ASAH1: variants seen among roughly 807,000 people sequenced by gnomAD.
The protein encoded by ASAH1 is acid ceramidase.
A neutral mutation model predicts 59.5 loss-of-function variants in ASAH1; 70 were observed. The observed-to-expected ratio is 1.18, with a 90% CI of 0.97 to 1.43. The LOEUF (loss-of-function observed/expected upper bound fraction) is 1.43. Ranked by LOEUF, ASAH1 falls within the 40% of genes most tolerant of loss-of-function variation. The pLI is 0.00. For synonymous variants in ASAH1, 213 were observed against 166.5 expected, an observed-to-expected ratio of 1.28 and a Z score of -2.15; for missense variants, 660 against 482.5, an observed-to-expected ratio of 1.37 and a Z score of -3.45.
intron 2 of ASAH1, chr8:18,073,125 A>C (rs1800243606): frequency 1.1e-6 from 1 of 938,464 alleles, no homozygotes; most frequent in Non-Finnish European, 1.6e-6. Flanking sequence ...TAATCTAATA[A>C]ACCAAATTAT....
At chr8:18,082,274 GAATA>G (rs1458703133) in intron 1 of ASAH1, among the ~76,000 whole-genome samples, 1 of 152,052 alleles carries the variant, frequency 6.6e-6, no homozygotes, top group Admixed American at 6.5e-5. Flanking sequence ...ACTTTTGCTA[GAATA>G]AATAAAGCTA....
chr8:18,060,966 T>A (rs957147640), intron 10 of ASAH1: 1 of 185,980 alleles, frequency 5.4e-6, no homozygotes, highest in African/African-American at 2.4e-5. Flanking sequence ...TTGCTCAGAC[T>A]GGTCTCAAAC....
intron 5 of ASAH1, 128 bp downstream of exon 5, chr8:18,067,092 A>G: frequency 1.3e-6 from 1 of 774,962 alleles, no homozygotes; most frequent in Non-Finnish European, 2.0e-6. Context: ...CTGTATATCT[A>G]AGACCTGTGC....
intron 2 of ASAH1, among the ~76,000 whole-genome samples, chr8:18,074,939 T>C (rs960761980): frequency 1.3e-5 from 2 of 152,070 alleles, no homozygotes; most frequent in Non-Finnish European, 2.9e-5. Context: ...CTTACATTTG[T>C]CAAAGATGAG....
At chr8:18,067,143 A>G in intron 5 of ASAH1, 77 bp downstream of exon 5, 1 of 1,321,242 alleles carries the variant, frequency 7.6e-7, no homozygotes, top group Non-Finnish European at 1.1e-6. Context: ...CCTGTGCTGT[A>G]TGTATATCAC....
At chr8:18,062,214 A>G in intron 8 of ASAH1, 65 bp downstream of exon 8, 1 of 1,609,062 alleles carries the variant, frequency 6.2e-7, no homozygotes, top group Non-Finnish European at 8.5e-7. Context: ...TTAGATTTCA[A>G]CTTTTACATA....
intron 1 of ASAH1, among the ~76,000 whole-genome samples, chr8:18,081,957 G>A (rs1416619724): frequency 1.3e-5 from 2 of 152,106 alleles, no homozygotes; most frequent in Non-Finnish European, 2.9e-5. Context: ...TTTTTATTCT[G>A]CCAAATGGAG....
chr8:18,062,267 C>A lies in ASAH1; in HGVS notation c.648+12G>T. The A allele has an allele frequency of 6.2e-7, 1 of 1,614,148 alleles. No homozygotes were observed. Among genetic ancestry groups the A allele is most frequent in the Non-Finnish European group, 8.5e-7 (1 of 1,180,028 alleles). ...GGCTACCTGTATAATTATGTAACAA[C>A]AGACTCCTTACTGGTTTGAATCCTG... On this transcript the variant is annotated intron_variant, in intron 8 of 13. Coordinates refer to ENST00000637790, the MANE Select transcript of ASAH1 (RefSeq NM_177924.5).
At chr8:18,071,263 A>T (rs372997043) in intron 3 of ASAH1, 37 bp downstream of exon 3, 1 of 1,072,878 alleles carries the variant, frequency 9.3e-7, no homozygotes, top group Non-Finnish European at 1.3e-6. Flanking sequence ...TAAAAAATAA[A>T]AATAAAGAAA....
chr8:18,080,723 A>C (rs1258202133), intron 1 of ASAH1, among the ~76,000 whole-genome samples: 8 of 151,962 alleles, frequency 5.3e-5, no homozygotes, highest in Non-Finnish European at 1.2e-4. Context: ...ATGCCCAGCT[A>C]ATTTTTGTAT....
At chr8:18,064,626 A>T (rs1799854409) in intron 5 of ASAH1, 95 bp from the exon 6 acceptor site, 3 of 780,418 alleles carry the variant, frequency 3.8e-6, no homozygotes, top group Non-Finnish European at 6.5e-6. Flanking sequence ...TCATTGTGTG[A>T]GTGTGTGCTT....
At chr8:18,078,553 T>G (rs189893268) in intron 1 of ASAH1, among the ~76,000 whole-genome samples, 45 of 151,718 alleles carry the variant, frequency 3.0e-4, no homozygotes, top group African/African-American at 1.0e-3. Flanking sequence ...AGGGGTAGGG[T>G]GGAAAAAAGA....
intron 8 of ASAH1, 82 bp from the exon 9 acceptor site, chr8:18,061,822 G>T: frequency 7.8e-7 from 1 of 1,287,628 alleles, no homozygotes; most frequent in Non-Finnish European, 1.1e-6. Context: ...TTCAGAGTGG[G>T]ATATAAAGGC....
intron 5 of ASAH1, chr8:18,064,769 A>C: frequency 2.1e-6 from 1 of 472,768 alleles, no homozygotes; most frequent in Non-Finnish European, 3.8e-6. Flanking sequence ...GGCAGGTTGC[A>C]ATTGTTCTCC....
intron 1 of ASAH1, chr8:18,083,362 C>T (rs1336882464): frequency 1.3e-5 from 2 of 153,850 alleles, no homozygotes; most frequent in East Asian, 1.9e-4. Context: ...GAAAGAGTCA[C>T]GCTCGTCCCT....
intron 1 of ASAH1, among the ~76,000 whole-genome samples, chr8:18,077,678 T>C (rs1800468640): frequency 6.6e-6 from 1 of 152,236 alleles, no homozygotes; most frequent in Non-Finnish European, 1.5e-5. Context: ...TAATTTCATT[T>C]TCCCTGGACA....
intron 1 of ASAH1, among the ~76,000 whole-genome samples, chr8:18,081,229 C>G (rs1405262624): frequency 6.6e-6 from 1 of 152,156 alleles, no homozygotes; most frequent in Non-Finnish European, 1.5e-5. Flanking sequence ...CTCCCTCATC[C>G]TCACCCAACG....
intron 1 of ASAH1, 40 bp downstream of exon 1, chr8:18,083,941 C>T: frequency 6.3e-7 from 1 of 1,584,156 alleles, no homozygotes; most frequent in Non-Finnish European, 8.5e-7. Flanking sequence ...GCGCCCGCAC[C>T]TGCACGCCCC....
In ASAH1 at chr8:18,067,207, A is replaced by C; in HGVS notation, c.382+13T>G. The C allele has an allele frequency of 6.2e-7, 1 of 1,608,198 alleles. No homozygotes were observed. Among genetic ancestry groups the C allele is most frequent in the Non-Finnish European group, 8.5e-7 (1 of 1,176,068 alleles). ...AATTACTTTTTTTTTTAAAGCTTCT[A>C]AGTGAACTTTACCTAAAGGTATATC... On this transcript the variant is annotated intron_variant, in intron 5 of 13. Coordinates refer to ENST00000637790, the MANE Select transcript of ASAH1 (RefSeq NM_177924.5).
Sources: allele counts gnomAD v4.1 joint callset (sites outside exome capture counted in the v4.1 genomes callset), GRCh38; gene constraint gnomAD v4.1.1; transcripts MANE v1.5; gene names NCBI Gene and HGNC (gene_info 2026-07-23, HGNC 2026-07-21).